The following SYT17 variants were observed in gnomAD, a reference collection of about 807,000 sequenced individuals.
SYT17 encodes the protein synaptotagmin-17.
In SYT17, 22 loss-of-function variants were observed where a neutral mutation model predicts 46.7. The ratio of observed to expected loss-of-function variants is 0.47; its 90% CI spans 0.34 to 0.67. The LOEUF is 0.67. Ranked by LOEUF, SYT17 falls within the 30% of genes least tolerant of loss-of-function variation. The pLI is 0.01. For missense variants in SYT17, 519 were observed against 612.8 expected (o/e 0.85, Z 1.62); for synonymous variants, 251 against 248.4 (o/e 1.01, Z -0.10).
At chr16:19,203,023 A>G (rs1019746945) in intron 5 of SYT17, among the ~76,000 whole-genome samples, 1 of 152,128 alleles carries the variant, frequency 6.6e-6, no homozygotes, top group African/African-American at 2.4e-5. Context: ...AACGGGGACG[A>G]GGATCCAATA....
At chr16:19,229,073 G>A (rs1232233124) in intron 7 of SYT17, among the ~76,000 whole-genome samples, 1 of 152,198 alleles carries the variant, frequency 6.6e-6, no homozygotes, top group African/African-American at 2.4e-5. Flanking sequence ...CACCGCCCAA[G>A]ATAGCAACAC....
At chr16:19,175,667 A>AAAAAAAAG (rs376222728) in intron 3 of SYT17, among the ~76,000 whole-genome samples, 2 of 147,066 alleles carry the variant, frequency 1.4e-5, no homozygotes, top group Non-Finnish European at 1.5e-5. Context: ...AAAAAAAAAA[A>AAAAAAAAG]GGATTCTACT....
chr16:19,190,776 G>GTA (rs1964983857), intron 5 of SYT17, among the ~76,000 whole-genome samples: 1 of 60,160 alleles, frequency 1.7e-5, no homozygotes, highest in African/African-American at 7.5e-5. Flanking sequence ...TCCTGTGTGT[G>GTA]TGTGTGTGTG....
chr16:19,262,035 A>C (rs1969009610), intron 7 of SYT17, among the ~76,000 whole-genome samples: 1 of 152,200 alleles, frequency 6.6e-6, no homozygotes, highest in African/African-American at 2.4e-5. Flanking sequence ...ATGTTTGGCG[A>C]GTGGATATCT....
intron 7 of SYT17, among the ~76,000 whole-genome samples, chr16:19,265,896 C>T (rs149735448): frequency 9.9e-5 from 15 of 152,252 alleles, no homozygotes; most frequent in African/African-American, 3.4e-4. Flanking sequence ...AAGAAGTTGC[C>T]GTAGCCATTA....
rs1964262573 is a variant in SYT17, at chr16:19,175,126, C to G, written c.182+1548C>G. Among the ~76,000 whole-genome samples, 4 of 151,778 alleles carry G rather than the reference C, an allele frequency of 2.6e-5. No homozygotes were observed. In the South Asian group the frequency reaches 8.3e-4, roughly 31 times the overall value. On this transcript the variant is annotated intron_variant, in intron 3 of 7. Transcript: ENST00000355377. ...CCTGGGAAAGAATGAGACCCTGTCT[C>G]AAAAATAAATACATAAATAAATAAA...
rs145364263 is a variant in SYT17, at chr16:19,229,096, G to T, written c.1228+4258G>T. On this transcript the variant is annotated intron_variant, in intron 7 of 7. Coordinates refer to ENST00000355377, the MANE Select transcript of SYT17 (RefSeq NM_016524.4). ...AAGATAGCAACACACAGCCCAGAGG[G>T]CTTCCAGGAAATTCAGGAAGGTTTA... is the stretch of plus-strand genomic sequence containing the variant. Among the ~76,000 whole-genome samples the T allele has an allele frequency of 3.8e-4, 58 of 152,318 alleles. 1 individual carries two copies. The highest frequency in any genetic ancestry group is 6.8e-3 in the Middle Eastern group (2 of 294).
At chr16:19,239,236 C>T (rs997490884) in intron 7 of SYT17, among the ~76,000 whole-genome samples, 13 of 151,988 alleles carry the variant, frequency 8.6e-5, no homozygotes, top group Non-Finnish European at 5.9e-5. Flanking sequence ...ATAATCATAC[C>T]ACTGCACTCC....
At chr16:19,209,902 A>G (rs201644654) in intron 5 of SYT17, among the ~76,000 whole-genome samples, 1 of 21,086 alleles carries the variant, frequency 4.7e-5, no homozygotes, top group Non-Finnish European at 1.0e-4. Flanking sequence ...CAAAACAAAA[A>G]CAACAACAAC....
In SYT17 at chr16:19,231,523, C is replaced by CAAAAAAAAAAAAAA. The variant is rs143448107; in HGVS notation, c.1228+6699_1228+6712dup. Among the ~76,000 whole-genome samples the CAAAAAAAAAAAAAA allele has an allele frequency of 3.1e-3, 142 of 45,810 alleles. 1 individual carries two copies. Among genetic ancestry groups the CAAAAAAAAAAAAAA allele is most frequent in the Non-Finnish European group, 4.3e-3 (103 of 24,146 alleles). 30.1% of individuals were successfully genotyped at this position (45,810 alleles called of 152,430 possible). ...GGGCAACAAGAGTGAAACTCCATCACAAAAAAAAAAAAAAAAAAAAAAAAA... is the reference window on the plus strand; with the variant it reads ...GGGCAACAAGAGTGAAACTCCATCACAAAAAAAAAAAAAAAAAAAAAAAAAAAAAAAAAAAAAAA... On this transcript the variant is annotated intron_variant, in intron 7 of 7. Transcript: ENST00000355377.
rs947817631 is a variant in SYT17, at chr16:19,168,619, G to A, written c.-28G>A. The stretch of plus-strand genomic sequence containing the variant: ...AAGTGGCCGTGGCGGCGCCATGCCC[G>A]GGCCGGAGTGAGTGCGCGCGGGCGA... On this transcript the variant is annotated 5_prime_UTR_variant, in exon 1 of 8. Coordinates refer to ENST00000355377, the MANE Select transcript of SYT17 (RefSeq NM_016524.4). The surrounding 1 kb of genome is among the most constrained non-coding windows in gnomAD (Gnocchi z 6.9). 9.7e-6 allele frequency: 15 copies of A among 1,540,802 alleles called. No individual in the cohort carries two copies. Among genetic ancestry groups the A allele is most frequent in the Admixed American group, 7.9e-5 (4 of 50,570 alleles).
At chr16:19,229,863 ATATTACTCAGTC>A in intron 7 of SYT17, among the ~76,000 whole-genome samples, 1 of 152,338 alleles carries the variant, frequency 6.6e-6, no homozygotes, top group South Asian at 2.1e-4. Flanking sequence ...ATACAATGGA[ATATTACTCAGTC>A]TTGAGTAGGA....
At chr16:19,181,877 T>G (rs1964570074) in intron 4 of SYT17, among the ~76,000 whole-genome samples, 3 of 151,752 alleles carry the variant, frequency 2.0e-5, no homozygotes, top group African/African-American at 4.8e-5. Flanking sequence ...CGCATGCCTG[T>G]AATCCCAGCT....
intron 5 of SYT17, among the ~76,000 whole-genome samples, chr16:19,195,317 C>T (rs1234943645): frequency 2.0e-5 from 3 of 152,202 alleles, no homozygotes; most frequent in South Asian, 2.1e-4. Flanking sequence ...AGGCTGTACT[C>T]TCAGCCAGTC....
chr16:19,176,693 C>CGT lies in SYT17; in HGVS notation c.182+3115_182+3116insGT, dbSNP rs1208992783. Among the ~76,000 whole-genome samples the CGT allele has an allele frequency of 8.9e-4, 135 of 152,174 alleles. 1 individual carries two copies. The highest frequency in any genetic ancestry group is 3.1e-3 in the African/African-American group (130 of 41,538). On this transcript the variant is annotated intron_variant, in intron 3 of 7. Coordinates refer to ENST00000355377, the MANE Select transcript of SYT17 (RefSeq NM_016524.4). ...ACTAGAGAGGTGGGCAGACATCACC[C>CGT]CTTGTAGAGATAGGCGTCTCATTGT...
chr16:19,217,560 A>G (rs1966143596), intron 5 of SYT17, among the ~76,000 whole-genome samples: 1 of 152,194 alleles, frequency 6.6e-6, no homozygotes, highest in African/African-American at 2.4e-5. Context: ...TGAATAACCT[A>G]CCATTGCATA....
At chr16:19,260,001 C>A (rs1968849703) in intron 7 of SYT17, among the ~76,000 whole-genome samples, 1 of 152,020 alleles carries the variant, frequency 6.6e-6, no homozygotes, top group South Asian at 2.1e-4. Flanking sequence ...GAAACAGGGA[C>A]TGGGGAGTGT....
At chr16:19,263,037 C>T (rs202026080) in intron 7 of SYT17, among the ~76,000 whole-genome samples, 2 of 145,720 alleles carry the variant, frequency 1.4e-5, no homozygotes, top group South Asian at 2.2e-4. Context: ...GTCAGATAAT[C>T]TTTTTTTTTT....
At position 19,173,558 on chromosome 16, in the gene SYT17, T is replaced by G; in HGVS notation, c.162T>G (p.Pro54=). The G allele has an allele frequency of 6.2e-7, 1 of 1,614,096 alleles. No individual in the cohort carries two copies. Among genetic ancestry groups the G allele is most frequent in the Non-Finnish European group, 8.5e-7 (1 of 1,180,020 alleles). ...EDEVEILGPF[P]AQTPPWLMAS... ...AAGTTGAAATTCTGGGACCTTTCCC[T>G]GCTCAGACCCCTCCCTGGCTGTAAG... Residue 54 remains proline (P), a synonymous_variant, in exon 3 of 8, where the codon CCT becomes CCG. Transcript: ENST00000355377.
Sources: gnomAD v4.1 joint callset for allele counts (sites outside exome capture counted in the v4.1 genomes callset) on GRCh38, gnomAD v4.1.1 for gene constraint, Gnocchi (gnomAD v3.1) non-coding constraint, MANE v1.5 for transcripts, NCBI Gene and HGNC (gene_info 2026-07-23, HGNC 2026-07-21) for gene names.